The following DCHS1 variants were observed in gnomAD, a reference collection of about 807,000 sequenced individuals.
DCHS1 encodes the protein protocadherin-16.
DCHS1 carries 78 observed loss-of-function variants against 213.9 expected under a neutral mutation model. The observed-to-expected ratio is 0.36, with a 90% CI of 0.30 to 0.44. DCHS1 has a LOEUF of 0.44. Among genes scored for constraint, DCHS1 ranks in the 20% least tolerant of loss-of-function variants. DCHS1 has a pLI of 1.00. For synonymous variants in DCHS1, 1,828 were observed against 1,873.7 expected (o/e 0.98, Z 0.63); for missense variants, 3,946 against 4,395.9 (o/e 0.90, Z 2.89).
At chr11:6,643,374 G>A (rs1856110060) in intron 1 of DCHS1, among the ~76,000 whole-genome samples, 1 of 152,124 alleles carries the variant, frequency 6.6e-6, no homozygotes, top group African/African-American at 2.4e-5. Context: ...CCTTTCTTGT[G>A]ACATTGCTTT....
Position 6,623,791 on chromosome 11 carries a change from C to G in DCHS1, c.7885G>C (p.Ala2629Pro). Residue 2629 changes from alanine (A) to proline (P), a missense_variant, in exon 21 of 21, where the codon GCT becomes CCT. By Grantham distance (27) the Ala-to-Pro change is conservative. Around this residue, in one of 3 missense-constraint regions of DCHS1, gnomAD observed 3,384 missense variants for 3,780.1 expected, o/e 0.90. Transcript: ENST00000299441. Reference protein sequence around the residue: ...AELLHVEASDADPGPHGLVRF... With the variant: ...AELLHVEASDPDPGPHGLVRF... ...ACGAGGCCATGAGGGCCAGGGTCAGCGTCAGAGGCCTCTACATGCAGCAGC... is the reference window on the plus strand; with the variant it reads ...ACGAGGCCATGAGGGCCAGGGTCAGGGTCAGAGGCCTCTACATGCAGCAGC... 1.9e-6 allele frequency: 3 copies of G among 1,613,988 alleles called. No homozygotes were observed. Among genetic ancestry groups the G allele is most frequent in the South Asian group, 2.2e-5 (2 of 91,086 alleles).
At position 6,632,973 on chromosome 11, in the gene DCHS1, G is replaced by C. The variant is rs1181017104; in HGVS notation, c.2539C>G (p.Gln847Glu). Reference sequence around the variant, plus strand: ...TCCCGGTCCAGAGGGCGAAGTGTTTGCAACAGTCCTGATACCGCATCTAGG... The same window carrying C: ...TCCCGGTCCAGAGGGCGAAGTGTTTCCAACAGTCCTGATACCGCATCTAGG... ...FSLDAVSGLL[Q>E]TLRPLDRELL... Residue 847 changes from glutamine to glutamate, a missense_variant, in exon 6 of 21, where the codon CAA (glutamine) becomes GAA (glutamate). Gln to Glu is a conservative substitution (Grantham distance 29). Coordinates refer to ENST00000299441, the MANE Select transcript of DCHS1 (RefSeq NM_003737.4). The surrounding 1 kb of genome is among the most constrained non-coding windows in gnomAD (Gnocchi z 5.9). 1.3e-5 allele frequency: 21 copies of C among 1,613,916 alleles called. No individual in the cohort carries two copies. The highest frequency in any genetic ancestry group is 3.4e-6 in the Non-Finnish European group (4 of 1,179,906).
intron 1 of DCHS1, among the ~76,000 whole-genome samples, chr11:6,649,360 A>T (rs1305383161): frequency 6.6e-6 from 1 of 151,762 alleles, no homozygotes; most frequent in African/African-American, 2.4e-5. Context: ...GTTTTAGGAG[A>T]ATACATCTGG....
intron 1 of DCHS1, among the ~76,000 whole-genome samples, chr11:6,649,012 T>C (rs1356938890): frequency 2.0e-5 from 3 of 152,102 alleles, no homozygotes; most frequent in African/African-American, 4.8e-5. Flanking sequence ...TTACCTTAAA[T>C]GGTTGATATG....
At chr11:6,624,640 T>C in intron 20 of DCHS1, 90 bp downstream of exon 20, 1 of 1,568,954 alleles carries the variant, frequency 6.4e-7, no homozygotes, top group Non-Finnish European at 8.7e-7. Flanking sequence ...ATCCAGGAGT[T>C]AAAGAGTTTG....
At chr11:6,653,040 G>A (rs552169254) in intron 1 of DCHS1, among the ~76,000 whole-genome samples, 6 of 152,132 alleles carry the variant, frequency 3.9e-5, no homozygotes, top group Middle Eastern at 3.4e-3. Context: ...TGATCATATC[G>A]CTCCAAGCTT....
rs772698485 is a variant in DCHS1, at chr11:6,624,196, C to T, written c.7480G>A (p.Asp2494Asn). ...AGCAGAGTGGAGCCAGGGGGCAGGT[C>T]TTCAGTCACAGCCACACGGTAGTGT... ...LSHYRVAVTE[D>N]LPPGSTLLTL... is the part of the protein sequence containing the mutation. Residue 2494 changes from aspartate (D) to asparagine (N), a missense_variant, in exon 21 of 21, where the codon GAC becomes AAC. Around this residue, in one of 3 missense-constraint regions of DCHS1, gnomAD observed 3,384 missense variants for 3,780.1 expected, o/e 0.90. Coordinates refer to ENST00000299441, the MANE Select transcript of DCHS1 (RefSeq NM_003737.4). 3.1e-6 allele frequency: 5 copies of T among 1,613,374 alleles called. No homozygotes were observed. Among genetic ancestry groups the T allele is most frequent in the Non-Finnish European group, 4.2e-6 (5 of 1,179,740 alleles).
At position 6,630,582 on chromosome 11, in the gene DCHS1, C is replaced by T; in HGVS notation, c.4212G>A (p.Ala1404=). The change falls in exon 10 of 21, where the codon GCG becomes GCA. Residue 1404 remains alanine, a synonymous_variant. Coordinates refer to ENST00000299441, the MANE Select transcript of DCHS1 (RefSeq NM_003737.4). ...LDFEAGPPWR[A]LTVRAEGPGG... The stretch of plus-strand genomic sequence containing the variant: ...CCGGCCCCTCAGCGCGTACCGTAAG[C>T]GCGCGCCACGGCGGGCCAGCTTCGA... 4 of 1,539,656 alleles carry T rather than the reference C, an allele frequency of 2.6e-6. No individual in the cohort carries two copies. The South Asian group carries it at 3.6e-5, about 14-fold the overall frequency.
In DCHS1 at chr11:6,627,565, A is replaced by G; in HGVS notation, c.5474T>C (p.Ile1825Thr). ...TGGCTGGCCTCCATCCCGGGCCTCT[A>G]TCCTCAGCTGGAAAGCTGGCTCCAC... is the stretch of plus-strand genomic sequence containing the variant. ...REVEPAFQLR[I>T]EARDGGQPAL... The change falls in exon 14 of 21, where the codon ATA (isoleucine) becomes ACA (threonine). Residue 1825 changes from isoleucine to threonine, a missense_variant. By Grantham distance (89) the Ile-to-Thr change is moderately conservative (BLOSUM62 -1). This residue lies in a region of DCHS1 where 3,384 missense variants were observed against 3,780.1 expected (regional missense o/e 0.90). Transcript: ENST00000299441. The surrounding 1 kb of genome is among the most constrained non-coding windows in gnomAD (Gnocchi z 5.4). 1.9e-6 allele frequency: 3 copies of G among 1,612,932 alleles called. No homozygotes were observed. The highest frequency in any genetic ancestry group is 2.5e-6 in the Non-Finnish European group (3 of 1,179,708).
chr11:6,621,874 C>A lies in DCHS1; in HGVS notation c.9802G>T (p.Val3268Phe). The A allele has an allele frequency of 1.2e-6, 2 of 1,612,082 alleles. No individual in the cohort carries two copies. The highest frequency in any genetic ancestry group is 1.7e-6 in the Non-Finnish European group (2 of 1,179,046). The change falls in exon 21 of 21, where the codon GTC becomes TTC. Residue 3268 changes from valine (V) to phenylalanine (F), a missense_variant. Transcript: ENST00000299441. ...CCCTGGGCCACCCCAAATGGTGAGACAACGGGTGAGCGAGCAGCCAGAGGA... is the reference window on the plus strand; with the variant it reads ...CCCTGGGCCACCCCAAATGGTGAGAAAACGGGTGAGCGAGCAGCCAGAGGA... ...LSPLAARSPV[V>F]SPFGVAQGPS...
In DCHS1 at chr11:6,625,004, A is replaced by T; in HGVS notation, c.7147-136T>A. ...TGGAGCCCCTACTCCTAAGTATTCGAATGGGAAATGCCCACCTTCTCCCCT... is the reference window on the plus strand; with the variant it reads ...TGGAGCCCCTACTCCTAAGTATTCGTATGGGAAATGCCCACCTTCTCCCCT... On this transcript the variant is annotated intron_variant, in intron 19 of 20. Coordinates refer to ENST00000299441, the MANE Select transcript of DCHS1 (RefSeq NM_003737.4). The surrounding 1 kb of genome is among the most constrained non-coding windows in gnomAD (Gnocchi z 5.3). The T allele has an allele frequency of 7.1e-7, 1 of 1,415,836 alleles. No homozygotes were observed. The highest frequency in any genetic ancestry group is 9.6e-7 in the Non-Finnish European group (1 of 1,043,468). 87.7% of individuals were successfully genotyped at this position (1,415,836 alleles called of 1,614,324 possible).
In DCHS1 at chr11:6,621,868, G is replaced by A; in HGVS notation, c.9808C>T (p.Pro3270Ser). ...GAGGGACCCTGGGCCACCCCAAATGGTGAGACAACGGGTGAGCGAGCAGCC... is the reference window on the plus strand; with the variant it reads ...GAGGGACCCTGGGCCACCCCAAATGATGAGACAACGGGTGAGCGAGCAGCC... The part of the protein sequence containing the change: ...PLAARSPVVS[P>S]FGVAQGPSAS... Residue 3270 changes from proline to serine, a missense_variant, in exon 21 of 21, where the codon CCA becomes TCA. By Grantham distance (74) the Pro-to-Ser change is moderately conservative. Transcript: ENST00000299441. The A allele has an allele frequency of 6.2e-7, 1 of 1,612,046 alleles. No homozygotes were observed. Among genetic ancestry groups the A allele is most frequent in the South Asian group, 1.1e-5 (1 of 90,682 alleles).
Position 6,631,691 on chromosome 11 carries a change from T to G in DCHS1, c.3600A>C (p.Ala1200=). 1 of 1,610,450 alleles carries G rather than the reference T, an allele frequency of 6.2e-7. No homozygotes were observed. Among genetic ancestry groups the G allele is most frequent in the Non-Finnish European group, 8.5e-7 (1 of 1,178,298 alleles). Residue 1200 remains alanine (A), a synonymous_variant, in exon 7 of 21, where the codon GCA becomes GCC. Transcript: ENST00000299441. ...PRSTTGTVHV[A]VLDLNDNSPT... is the part of the protein sequence containing the mutation. ...GGCTGTTGTCGTTGAGGTCAAGCACTGCAACATGCACAGTGCCTGTGGTGC... is the reference window on the plus strand; with the variant it reads ...GGCTGTTGTCGTTGAGGTCAAGCACGGCAACATGCACAGTGCCTGTGGTGC...
rs1855931486 is a variant in DCHS1, at chr11:6,632,720, A to G, written c.2792T>C (p.Phe931Ser). ...PDSGVNSRVT[F>S]TLLAGGGGAF... is the part of the protein sequence containing the mutation. ...TCCACCACCCCCAGCAAGCAGGGTAAAGGTGACTCGACTGTTAACACCTGA... is the reference window on the plus strand; with the variant it reads ...TCCACCACCCCCAGCAAGCAGGGTAGAGGTGACTCGACTGTTAACACCTGA... The change falls in exon 6 of 21, where the codon TTT becomes TCT. Residue 931 changes from phenylalanine to serine, a missense_variant. Phe to Ser is a radical substitution (Grantham distance 155). Coordinates refer to ENST00000299441, the MANE Select transcript of DCHS1 (RefSeq NM_003737.4). This position sits in a 1 kb window ranked among gnomAD's most constrained non-coding sequence, Gnocchi z 5.9. The G allele has an allele frequency of 6.2e-7, 1 of 1,603,644 alleles. No individual in the cohort carries two copies. Among genetic ancestry groups the G allele is most frequent in the African/African-American group, 1.3e-5 (1 of 74,748 alleles).
In DCHS1 at chr11:6,629,874, T is replaced by A. The variant is rs201414753; in HGVS notation, c.4833A>T (p.Gln1611His). The change falls in exon 11 of 21, where the codon CAA (glutamine) becomes CAT (histidine). Residue 1611 changes from glutamine to histidine, a missense_variant. Physicochemically the swap from Gln to His is conservative, Grantham distance 24. This residue lies in a region of DCHS1 where 3,384 missense variants were observed against 3,780.1 expected (regional missense o/e 0.90). Coordinates refer to ENST00000299441, the MANE Select transcript of DCHS1 (RefSeq NM_003737.4). ...CCACTGTCAGTACGTGCTCAGCTCG[T>A]TGTTCGCGGTCCAACGGCCGCACCA... Reference protein sequence around the residue: ...LSVVRPLDREQRAEHVLTVVA... With the variant: ...LSVVRPLDREHRAEHVLTVVA... 6.2e-6 allele frequency: 10 copies of A among 1,612,868 alleles called. No homozygotes were observed. The East Asian group carries it at 2.0e-4, about 32-fold the overall frequency.
Position 6,624,355 on chromosome 11 carries a change from C to A in DCHS1, c.7321G>T (p.Gly2441Cys). The A allele has an allele frequency of 6.3e-7, 1 of 1,576,204 alleles. No homozygotes were observed. The highest frequency in any genetic ancestry group is 8.6e-7 in the Non-Finnish European group (1 of 1,161,098). ...LFTIVGTVAL[G>C]HDGSGAVDVV... ...TCCACTGCTCCTGACCCGTCATGGC[C>A]CAAGGCCACTGTTCCCACTATTGTG... The change falls in exon 21 of 21, where the codon GGC becomes TGC. Residue 2441 changes from glycine to cysteine, a missense_variant. Coordinates refer to ENST00000299441, the MANE Select transcript of DCHS1 (RefSeq NM_003737.4).
In DCHS1 at chr11:6,626,530, A is replaced by T. The variant is rs1365350779; in HGVS notation, c.6364+22T>A. On this transcript the variant is annotated intron_variant, in intron 15 of 20. Coordinates refer to ENST00000299441, the MANE Select transcript of DCHS1 (RefSeq NM_003737.4). This position sits in a 1 kb window ranked among gnomAD's most constrained non-coding sequence, Gnocchi z 5.2. ...TTCCCCAGTAGCCTGTCCTGCACAG[A>T]GCCCCTGCTCCTATTTCTTACCTGT... 12 of 1,612,538 alleles carry T rather than the reference A, an allele frequency of 7.4e-6. No homozygotes were observed. Among genetic ancestry groups the T allele is most frequent in the African/African-American group, 1.3e-5 (1 of 74,868 alleles).
Position 6,627,602 on chromosome 11 carries a change from G to A in DCHS1, c.5437C>T (p.Leu1813=). 2 of 1,613,196 alleles carry A rather than the reference G, an allele frequency of 1.2e-6. No individual in the cohort carries two copies. Among genetic ancestry groups the A allele is most frequent in the South Asian group, 1.1e-5 (1 of 90,978 alleles). The change falls in exon 14 of 21, where the codon CTA becomes TTA. Residue 1813 remains leucine, a synonymous_variant. Coordinates refer to ENST00000299441, the MANE Select transcript of DCHS1 (RefSeq NM_003737.4). The surrounding 1 kb of genome is among the most constrained non-coding windows in gnomAD (Gnocchi z 5.4). ...ASGEFGTMRP[L]DREVEPAFQL... is the part of the protein sequence containing the mutation. ...AAAGCTGGCTCCACTTCTCTGTCTA[G>A]TGGCCGCATGGTGCCAAACTCTCCA...
At position 6,626,069 on chromosome 11, in the gene DCHS1, C is replaced by T. The variant is rs1208602866; in HGVS notation, c.6582G>A (p.Glu2194=). The change falls in exon 17 of 21, where the codon GAG becomes GAA. Residue 2194 remains glutamate, a synonymous_variant. Transcript: ENST00000299441. This position sits in a 1 kb window ranked among gnomAD's most constrained non-coding sequence, Gnocchi z 5.2. ...RPLEGPLLQV[E]ADDLDQGSGG... ...CAGAGCCTTGATCCAGGTCATCCGC[C>T]TCCACCTGGTGAGGGTAGGAGGCTG... 4 of 1,609,820 alleles carry T rather than the reference C, an allele frequency of 2.5e-6. No homozygotes were observed. The highest frequency in any genetic ancestry group is 2.5e-6 in the Non-Finnish European group (3 of 1,178,126).
Sources: allele counts gnomAD v4.1 joint callset (sites outside exome capture counted in the v4.1 genomes callset), GRCh38; gene constraint gnomAD v4.1.1; regional missense constraint gnomAD v4.1.1; non-coding constraint Gnocchi (gnomAD v3.1); transcripts MANE v1.5; gene names NCBI Gene and HGNC (gene_info 2026-07-23, HGNC 2026-07-21).